Variants in TSPAN15 observed in about 807,000 individuals in gnomAD.
The protein encoded by TSPAN15 is tetraspanin 15.
Under a neutral mutation model 34.5 loss-of-function variants are expected in TSPAN15, and 20 were observed. The ratio of observed to expected loss-of-function variants is 0.58; its 90% CI spans 0.41 to 0.84. The LOEUF (loss-of-function observed/expected upper bound fraction) is 0.84, where lower values mean the gene tolerates loss of function less well. Among genes scored for constraint, TSPAN15 ranks in the 40% least tolerant of loss-of-function variants. The pLI is 0.00. For synonymous variants in TSPAN15, 155 were observed against 153.9 expected (o/e 1.01, Z -0.05); for missense variants, 313 against 386.1 (o/e 0.81, Z 1.59).
chr10:69,517,546 A>G, the TSPAN15 span, among the ~76,000 whole-genome samples: 2 of 152,192 alleles, frequency 1.3e-5, no homozygotes, highest in Non-Finnish European at 2.9e-5. Context: ...GGTCTCAGAA[A>G]CCAACTCCCA....
At chr10:69,534,837 A>G in the TSPAN15 span, among the ~76,000 whole-genome samples, 8 of 133,868 alleles carry the variant, frequency 6.0e-5, no homozygotes, top group East Asian at 9.3e-4. Flanking sequence ...AAAAAAAAAA[A>G]GCAGGGTATG....
intron 3 of TSPAN15, among the ~76,000 whole-genome samples, chr10:69,493,404 T>C (rs1389334583): frequency 2.0e-5 from 3 of 151,952 alleles, no homozygotes; most frequent in Non-Finnish European, 2.9e-5. Flanking sequence ...GCTCCAGAGC[T>C]GCTGTTTATC....
the TSPAN15 span, chr10:69,523,360 G>T: frequency 3.5e-6 from 2 of 569,796 alleles, 1 homozygote; most frequent in Admixed American, 5.8e-5. Context: ...TCCCACAGGG[G>T]CCAAAGTCTG....
the TSPAN15 span, among the ~76,000 whole-genome samples, chr10:69,517,786 T>A: frequency 6.6e-6 from 1 of 152,200 alleles, no homozygotes. Context: ...CTGCCAGGGT[T>A]TGAGGGGCCT....
intron 1 of TSPAN15, among the ~76,000 whole-genome samples, chr10:69,477,290 A>G (rs373955810): frequency 1.3e-5 from 2 of 152,202 alleles, no homozygotes; most frequent in South Asian, 2.1e-4. Flanking sequence ...GCACGCCACC[A>G]CACCCAGCTA....
At chr10:69,533,230 C>T in the TSPAN15 span, among the ~76,000 whole-genome samples, 3 of 152,158 alleles carry the variant, frequency 2.0e-5, no homozygotes, top group Non-Finnish European at 4.4e-5. Context: ...TTTATAGCAG[C>T]ACAATTTGCA....
intron 1 of TSPAN15, among the ~76,000 whole-genome samples, chr10:69,463,537 C>T (rs753063127): frequency 5.9e-5 from 9 of 152,178 alleles, no homozygotes; most frequent in Admixed American, 1.3e-4. Context: ...TGGCCGGGTG[C>T]GGTGGCTCAC....
the TSPAN15 span, among the ~76,000 whole-genome samples, chr10:69,522,178 G>A: frequency 2.1e-5 from 3 of 146,298 alleles, no homozygotes; most frequent in Admixed American, 2.1e-4. Flanking sequence ...TGGACAAATG[G>A]CAAAACCCTG....
At chr10:69,481,645 G>A (rs771732148) in intron 1 of TSPAN15, among the ~76,000 whole-genome samples, 16 of 152,166 alleles carry the variant, frequency 1.1e-4, no homozygotes, top group Non-Finnish European at 2.4e-4. Flanking sequence ...CTGGAGGGGC[G>A]GCCTCCTCGG....
At chr10:69,520,370 G>C in the TSPAN15 span, among the ~76,000 whole-genome samples, 33 of 152,268 alleles carry the variant, frequency 2.2e-4, no homozygotes, top group South Asian at 6.6e-3. Flanking sequence ...TTATGGCTGA[G>C]GAATATTTCT....
chr10:69,455,609 T>TTTCTTTCTTTCTTTCTTTCTTTCC (rs1841081485), intron 1 of TSPAN15, among the ~76,000 whole-genome samples: 1 of 101,344 alleles, frequency 9.9e-6, no homozygotes, highest in Admixed American at 9.4e-5. Context: ...TCTTTCTTTC[T>TTTCTTTCTTTCTTTCTTTCTTTCC]CTCTCTCTCT....
chr10:69,491,515 A>G, intron 3 of TSPAN15, among the ~76,000 whole-genome samples: 1 of 91,420 alleles, frequency 1.1e-5, no homozygotes, highest in East Asian at 3.5e-4. Context: ...GGTGCATGCC[A>G]CCATGCCTGG....
chr10:69,475,844 A>G lies in TSPAN15; in HGVS notation c.97-7847A>G, dbSNP rs191815007. Among the ~76,000 whole-genome samples the G allele has an allele frequency of 2.1e-3, 318 of 152,300 alleles. 1 individual carries two copies. The highest frequency in any genetic ancestry group is 7.1e-3 in the African/African-American group (297 of 41,558). On this transcript the variant is annotated intron_variant, in intron 1 of 7. Transcript: ENST00000373290. ...TTAGATGTCTTTCTCCAGCTCAGAC[A>G]CCATGGAAAACTTGAGGGAGGCAAT...
At chr10:69,547,423 G>GC in the TSPAN15 span, among the ~76,000 whole-genome samples, 53 of 152,300 alleles carry the variant, frequency 3.5e-4, no homozygotes, top group African/African-American at 1.2e-3. Flanking sequence ...TCAGACCCTG[G>GC]CCCTGCACTC....
At chr10:69,516,803 G>C in the TSPAN15 span, among the ~76,000 whole-genome samples, 27,894 of 152,164 alleles carry the variant, frequency 0.18, 2,681 homozygotes, top group Middle Eastern at 0.28. Flanking sequence ...CCCCACTGAG[G>C]GGTGGGATGG....
At chr10:69,459,897 A>T (rs1409963283) in intron 1 of TSPAN15, among the ~76,000 whole-genome samples, 1 of 141,322 alleles carries the variant, frequency 7.1e-6, no homozygotes, top group Non-Finnish European at 1.5e-5. Context: ...TCCCCCACCC[A>T]CGGAGGGAGG....
chr10:69,519,046 G>A, the TSPAN15 span, among the ~76,000 whole-genome samples: 3 of 152,218 alleles, frequency 2.0e-5, no homozygotes, highest in Non-Finnish European at 2.9e-5. Context: ...ATAGTATACA[G>A]CTATTTAAAT....
chr10:69,461,454 G>A (rs538398268), intron 1 of TSPAN15, among the ~76,000 whole-genome samples: 1 of 152,184 alleles, frequency 6.6e-6, no homozygotes, highest in African/African-American at 2.4e-5. Flanking sequence ...CTGCCTGGGA[G>A]AGCAGGAACC....
chr10:69,529,927 G>A, the TSPAN15 span, among the ~76,000 whole-genome samples: 1 of 144,604 alleles, frequency 6.9e-6, no homozygotes, highest in African/African-American at 2.5e-5. Context: ...ACTTATAAGT[G>A]AGAACACATG....
Sources: allele counts gnomAD v4.1 joint callset (sites outside exome capture counted in the v4.1 genomes callset), GRCh38; gene constraint gnomAD v4.1.1; transcripts MANE v1.5; gene names NCBI Gene and HGNC (gene_info 2026-07-23, HGNC 2026-07-21).